Variants in EFR3B observed in about 807,000 individuals in gnomAD.
EFR3B encodes the protein EFR3 homolog B, also known as protein EFR3 homolog B.
Under a neutral mutation model 104.7 loss-of-function variants are expected in EFR3B, and 64 were observed. That is an observed-to-expected ratio of 0.61 (90% CI 0.50 to 0.75). EFR3B has a LOEUF of 0.75. Among genes scored for constraint, EFR3B ranks in the 30% least tolerant of loss-of-function variants. The pLI, the probability that EFR3B is intolerant of heterozygous loss-of-function variation, is 0.00. For missense variants in EFR3B, 750 were observed against 1,078.5 expected (o/e 0.70, Z 4.27); for synonymous variants, 385 against 417.9 (o/e 0.92, Z 0.96).
At chr2:25,146,872 ATGCT>A (rs1256965132) in intron 19 of EFR3B, 1 of 152,288 alleles carries the variant, frequency 6.6e-6, no homozygotes, top group Non-Finnish European at 1.5e-5. Flanking sequence ...GGGTGAATAA[ATGCT>A]TGTTTGGTCA....
intron 4 of EFR3B, 149 bp from the exon 5 acceptor site, chr2:25,121,524 T>A: frequency 1.2e-6 from 1 of 867,706 alleles, no homozygotes; most frequent in Non-Finnish European, 1.8e-6. Flanking sequence ...GGAACTCATC[T>A]CCCCAGTGTG....
intron 5 of EFR3B, among the ~76,000 whole-genome samples, chr2:25,122,274 G>C (rs1670038126): frequency 6.6e-6 from 1 of 152,056 alleles, no homozygotes; most frequent in South Asian, 2.1e-4. Context: ...GCCCCCACAT[G>C]TGGTTTCTAA....
Position 25,130,008 on chromosome 2 carries a change from G to A in EFR3B, c.669G>A (p.Lys223=). Reference sequence around the variant, plus strand: ...CCTCACCCCTCCAAGCACCTGAGAAGGAGAAAGAGAGCCCCGCGGAGCTGG... The same window carrying A: ...CCTCACCCCTCCAAGCACCTGAGAAAGAGAAAGAGAGCCCCGCGGAGCTGG... ...RSPSPLQAPE[K]EKESPAELAE... is the part of the protein sequence containing the mutation. Residue 223 remains lysine, a synonymous_variant, in exon 7 of 23, where the codon AAG becomes AAA. Transcript: ENST00000403714. This position sits in a 1 kb window ranked among gnomAD's most constrained non-coding sequence, Gnocchi z 4.6. 1.3e-6 allele frequency: 2 copies of A among 1,551,750 alleles called. No individual in the cohort carries two copies. The highest frequency in any genetic ancestry group is 1.7e-6 in the Non-Finnish European group (2 of 1,147,018).
intron 20 of EFR3B, 114 bp downstream of exon 20, chr2:25,149,856 C>T (rs1051482581): frequency 6.8e-5 from 65 of 948,982 alleles, no homozygotes; most frequent in Non-Finnish European, 9.5e-5. Flanking sequence ...CCAGCACCTG[C>T]GTGAAGGGAG....
rs1669177366 is a variant in EFR3B, at chr2:25,093,062, A to T, written c.144A>T (p.Glu48Asp). ...KLTFYALSAP[E>D]KLDRIGAYLS... ...CCTTCTATGCCCTCTCAGCTCCAGAAAAACTTGATCGTATTGGCGCCTACC... is the reference window on the plus strand; with the variant it reads ...CCTTCTATGCCCTCTCAGCTCCAGATAAACTTGATCGTATTGGCGCCTACC... Residue 48 changes from glutamate (E) to aspartate (D), a missense_variant, in exon 3 of 23, where the codon GAA (glutamate) becomes GAT (aspartate). Glu to Asp is a conservative substitution (Grantham distance 45). Coordinates refer to ENST00000403714, the MANE Select transcript of EFR3B (RefSeq NM_014971.2). The T allele has an allele frequency of 1.2e-5, 19 of 1,551,042 alleles. No homozygotes were observed. The highest frequency in any genetic ancestry group is 1.4e-5 in the Non-Finnish European group (16 of 1,147,070).
chr2:25,091,592 A>G (rs753787649), intron 2 of EFR3B, among the ~76,000 whole-genome samples, 191 bp downstream of exon 2: 32 of 152,288 alleles, frequency 2.1e-4, no homozygotes, highest in Non-Finnish European at 4.0e-4. Flanking sequence ...GCCGCTAGGG[A>G]CATGAAGGAT....
intron 4 of EFR3B, among the ~76,000 whole-genome samples, chr2:25,121,446 G>A (rs1205423073): frequency 1.3e-5 from 2 of 152,190 alleles, no homozygotes; most frequent in African/African-American, 2.4e-5. Flanking sequence ...TGCTCCCGCA[G>A]CAGGGGAGGC....
chr2:25,135,784 C>G, intron 13 of EFR3B, 145 bp downstream of exon 13: 1 of 994,312 alleles, frequency 1.0e-6, no homozygotes, highest in Non-Finnish European at 1.4e-6. Flanking sequence ...AATTCAGATA[C>G]TCAGTGAGAC....
intron 21 of EFR3B, among the ~76,000 whole-genome samples, chr2:25,152,377 G>A (rs896161566): frequency 6.6e-6 from 1 of 152,218 alleles, no homozygotes; most frequent in Admixed American, 6.5e-5. Context: ...CACGTGAACA[G>A]CACTCACTGC....
In EFR3B at chr2:25,135,605, C is replaced by T. The variant is rs1670495115; in HGVS notation, c.1450C>T (p.Arg484Cys). Residue 484 changes from arginine (R) to cysteine (C), a missense_variant, in exon 13 of 23, where the codon CGT (arginine) becomes TGT (cysteine). By Grantham distance (180) the Arg-to-Cys change is radical. Coordinates refer to ENST00000403714, the MANE Select transcript of EFR3B (RefSeq NM_014971.2). Reference protein sequence around the residue: ...VLEILISFIDRHGNRHKFSTI... With the variant: ...VLEILISFIDCHGNRHKFSTI... ...AGAGATTCTCATCAGTTTCATTGAT[C>T]GTCATGGCAACCGCCACAAGTTCTC... 8 of 1,551,780 alleles carry T rather than the reference C, an allele frequency of 5.2e-6. No homozygotes were observed. Among genetic ancestry groups the T allele is most frequent in the African/African-American group, 1.4e-5 (1 of 73,050 alleles).
At chr2:25,128,916 C>T (rs999435284) in intron 6 of EFR3B, among the ~76,000 whole-genome samples, 6 of 131,072 alleles carry the variant, frequency 4.6e-5, no homozygotes, top group Non-Finnish European at 7.8e-5. Flanking sequence ...GCCGAGATCG[C>T]GCCGCTGCAC....
At chr2:25,117,111 C>T (rs993936474) in intron 4 of EFR3B, among the ~76,000 whole-genome samples, 1 of 152,232 alleles carries the variant, frequency 6.6e-6, no homozygotes, top group East Asian at 1.9e-4. Flanking sequence ...TTGGTGTCCC[C>T]GTTCCACCAG....
intron 5 of EFR3B, among the ~76,000 whole-genome samples, chr2:25,125,077 G>A (rs929868875): frequency 1.2e-4 from 18 of 152,088 alleles, no homozygotes; most frequent in Non-Finnish European, 2.4e-4. Context: ...ATAAATAAAT[G>A]AATAGGAAGA....
chr2:25,042,301 C>T lies in EFR3B; in HGVS notation c.-12C>T. The T allele has an allele frequency of 3.9e-6, 5 of 1,291,422 alleles. 1 individual carries two copies. The highest frequency in any genetic ancestry group is 4.9e-6 in the Non-Finnish European group (5 of 1,021,976). 80.0% of individuals were successfully genotyped at this position (1,291,422 alleles called of 1,614,324 possible). A position where few individuals can be genotyped will look rare whatever the true frequency, so the allele number is the denominator to read the frequency against. Reference sequence around the variant, plus strand: ...CGACGCCGGCCTCTCGAGAGGCGCGCGCCCCGCCGAGATGTACGGTAAGGA... The same window carrying T: ...CGACGCCGGCCTCTCGAGAGGCGCGTGCCCCGCCGAGATGTACGGTAAGGA... On this transcript the variant is annotated 5_prime_UTR_variant, in exon 1 of 23. Transcript: ENST00000403714. This position sits in a 1 kb window ranked among gnomAD's most constrained non-coding sequence, Gnocchi z 5.4.
chr2:25,062,685 G>A (rs1354294941), intron 1 of EFR3B, among the ~76,000 whole-genome samples: 2 of 152,224 alleles, frequency 1.3e-5, no homozygotes, highest in African/African-American at 4.8e-5. Context: ...AAGCTGACCC[G>A]GGAAGTCCAT....
chr2:25,057,275 A>G lies in EFR3B; in HGVS notation c.7+14956A>G, dbSNP rs865786990. ...CATGTCCCTTTCAAGTGCTGGTGCT[A>G]CAATTCTTGCTTTGCATGCATTCTA... is the stretch of plus-strand genomic sequence containing the variant. On this transcript the variant is annotated intron_variant, in intron 1 of 22. Transcript: ENST00000403714. Among the ~76,000 whole-genome samples, 5 of 152,174 alleles carry G rather than the reference A, an allele frequency of 3.3e-5. No individual in the cohort carries two copies. In the South Asian group the frequency reaches 6.2e-4, roughly 19 times the overall value.
chr2:25,053,559 C>A (rs187415388), intron 1 of EFR3B, among the ~76,000 whole-genome samples: 1 of 152,128 alleles, frequency 6.6e-6, no homozygotes, highest in Non-Finnish European at 1.5e-5. Flanking sequence ...AAACCAGGAG[C>A]CTGGCATTGC....
intron 19 of EFR3B, 193 bp downstream of exon 19, chr2:25,145,244 T>C: frequency 1.6e-6 from 1 of 608,656 alleles, no homozygotes; most frequent in Non-Finnish European, 2.9e-6. Flanking sequence ...GTTAGGGTCC[T>C]CCCTGCTCCC....
intron 1 of EFR3B, among the ~76,000 whole-genome samples, chr2:25,055,052 T>G (rs889378965): frequency 6.6e-6 from 1 of 152,246 alleles, no homozygotes; most frequent in African/African-American, 2.4e-5. Context: ...ATTATCTCAA[T>G]TCAGGAGAAC....
Sources: gnomAD v4.1 joint callset for allele counts (sites outside exome capture counted in the v4.1 genomes callset) on GRCh38, gnomAD v4.1.1 for gene constraint, Gnocchi (gnomAD v3.1) non-coding constraint, MANE v1.5 for transcripts, NCBI Gene and HGNC (gene_info 2026-07-23, HGNC 2026-07-21) for gene names.